The following CHN2 variants were observed in gnomAD, a reference collection of about 807,000 sequenced individuals.
CHN2 encodes chimerin 2, also known as beta-chimaerin.
Under a neutral mutation model 56.3 loss-of-function variants are expected in CHN2, and 35 were observed. The ratio of observed to expected loss-of-function variants is 0.62; its 90% CI spans 0.47 to 0.82. The LOEUF is 0.82. Ranked by LOEUF, CHN2 falls within the 40% of genes least tolerant of loss-of-function variation. The pLI is 0.00. For missense variants in CHN2, 491 were observed against 580.5 expected (o/e 0.85, Z 1.58); for synonymous variants, 210 against 212.8 (o/e 0.99, Z 0.12).
chr7:29,453,819 C>A (rs1784563940), intron 6 of CHN2, among the ~76,000 whole-genome samples: 1 of 152,126 alleles, frequency 6.6e-6, no homozygotes, highest in African/African-American at 2.4e-5. Context: ...TCACTCGGGT[C>A]CTTTGGACTA....
At chr7:29,287,019 C>T (rs6955978) in intron 1 of CHN2, among the ~76,000 whole-genome samples, 152,267 of 152,282 alleles carry the variant, frequency 1, 76,126 homozygotes, top group Middle Eastern at 1. Context: ...TCTCCCTTCC[C>T]CTGGGGATGG....
chr7:29,432,647 G>A (rs186418262), intron 6 of CHN2, among the ~76,000 whole-genome samples: 23 of 152,312 alleles, frequency 1.5e-4, no homozygotes, highest in Admixed American at 1.2e-3. Flanking sequence ...CCATTTCGCT[G>A]TACCTGGCAG....
rs1366673864 is a variant in CHN2, at chr7:29,299,967, A to G, written c.50-54658A>G. Among the ~76,000 whole-genome samples the G allele has an allele frequency of 5.3e-5, 8 of 152,318 alleles. No homozygotes were observed. In the East Asian group the frequency reaches 1.5e-3, roughly 29 times the overall value. ...CCAAACAGAGAAAATAACATAGAGT[A>G]AAAAACTGGAGGCAGGAACCCAGAG... On this transcript the variant is annotated intron_variant, in intron 1 of 12. Transcript: ENST00000222792.
chr7:29,279,327 T>C (rs1449827498), intron 1 of CHN2, among the ~76,000 whole-genome samples: 1 of 152,242 alleles, frequency 6.6e-6, no homozygotes, highest in Non-Finnish European at 1.5e-5. Context: ...TCCTTCTTAA[T>C]AGGGATACCA....
At chr7:29,474,351 A>G (rs549213581) in intron 6 of CHN2, among the ~76,000 whole-genome samples, 3 of 152,280 alleles carry the variant, frequency 2.0e-5, no homozygotes, top group South Asian at 2.1e-4. Context: ...CTGTATCTCT[A>G]TATCTATCCA....
At chr7:29,286,140 C>G (rs1792119641) in intron 1 of CHN2, among the ~76,000 whole-genome samples, 1 of 152,134 alleles carries the variant, frequency 6.6e-6, no homozygotes, top group South Asian at 2.1e-4. Flanking sequence ...CTCATACCCA[C>G]CCTTTTATAG....
chr7:29,163,927 C>T (rs1795539923), intron 2 of CHN2, among the ~76,000 whole-genome samples: 1 of 152,150 alleles, frequency 6.6e-6, no homozygotes, highest in Admixed American at 6.5e-5. Flanking sequence ...TGTTCAAGGA[C>T]ATCTGGGTTG....
chr7:29,260,040 C>T (rs939908333), intron 1 of CHN2, among the ~76,000 whole-genome samples: 2 of 151,988 alleles, frequency 1.3e-5, no homozygotes, highest in African/African-American at 2.4e-5. Flanking sequence ...TGCAGTGGTG[C>T]GATCTTGGCT....
At chr7:29,228,585 G>A (rs1175953308) in intron 1 of CHN2, among the ~76,000 whole-genome samples, 2 of 152,170 alleles carry the variant, frequency 1.3e-5, no homozygotes, top group South Asian at 2.1e-4. Context: ...ACATGAATAC[G>A]CATCATAAAC....
intron 1 of CHN2, among the ~76,000 whole-genome samples, chr7:29,251,501 C>T (rs1161182205): frequency 2.0e-5 from 3 of 152,040 alleles, no homozygotes; most frequent in Non-Finnish European, 2.9e-5. Flanking sequence ...AAAATACCTG[C>T]CTTCTAATAA....
intron 1 of CHN2, among the ~76,000 whole-genome samples, chr7:29,228,209 G>C (rs1165309614): frequency 6.6e-6 from 1 of 151,334 alleles, no homozygotes; most frequent in African/African-American, 2.4e-5. Context: ...TTTGTGGAGA[G>C]AGAGAGAGAC....
chr7:29,302,855 T>A (rs1353608655), intron 1 of CHN2, among the ~76,000 whole-genome samples: 4 of 152,266 alleles, frequency 2.6e-5, no homozygotes, highest in Non-Finnish European at 5.9e-5. Flanking sequence ...AATCATATGC[T>A]TTTCTTGCTT....
At chr7:29,391,368 G>A (rs1801354202) in intron 3 of CHN2, among the ~76,000 whole-genome samples, 1 of 148,638 alleles carries the variant, frequency 6.7e-6, no homozygotes, top group African/African-American at 2.5e-5. Flanking sequence ...GGGAGGGGAA[G>A]GGAGGGTAGA....
chr7:29,179,675 A>T (rs1026149712), intron 2 of CHN2, among the ~76,000 whole-genome samples: 3 of 152,254 alleles, frequency 2.0e-5, no homozygotes, highest in Non-Finnish European at 4.4e-5. Flanking sequence ...TAGAGAAACC[A>T]TCAATAATTA....
intron 1 of CHN2, among the ~76,000 whole-genome samples, chr7:29,219,968 G>A (rs1174934614): frequency 1.2e-4 from 18 of 152,026 alleles, no homozygotes; most frequent in African/African-American, 9.7e-5. Flanking sequence ...CCAGCTACTC[G>A]GGAGGCTGAG....
chr7:29,396,339 C>T (rs924899687), intron 4 of CHN2, among the ~76,000 whole-genome samples: 15 of 151,694 alleles, frequency 9.9e-5, no homozygotes, highest in Admixed American at 3.3e-4. Context: ...TGCCTGTAGT[C>T]CCAGCTACTC....
In CHN2 at chr7:29,349,202, T is replaced by C. The variant is rs116362171; in HGVS notation, c.50-5423T>C. The stretch of plus-strand genomic sequence containing the variant: ...CTCTTTATCTGGAGTAATCTCTCTT[T>C]TGTTGTTGTCGTTCTGTTAGTCTCT... On this transcript the variant is annotated intron_variant, in intron 1 of 12. Transcript: ENST00000222792. 6.7e-3 allele frequency among the ~76,000 whole-genome samples: 1,015 copies of C among 152,302 alleles called. 12 individuals carry two copies. The highest frequency in any genetic ancestry group is 0.023 in the African/African-American group (960 of 41,562).
intron 1 of CHN2, among the ~76,000 whole-genome samples, chr7:29,294,112 C>T (rs572831049): frequency 5.3e-5 from 8 of 152,112 alleles, no homozygotes; most frequent in Non-Finnish European, 1.0e-4. Context: ...GTGATCTGCC[C>T]GCCTCGGCCT....
chr7:29,332,500 G>T (rs1176754717), intron 1 of CHN2, among the ~76,000 whole-genome samples: 1 of 152,120 alleles, frequency 6.6e-6, no homozygotes, highest in Admixed American at 6.5e-5. Context: ...CTTTTCCCGG[G>T]CTGGTGATAC....
Sources: gnomAD v4.1 joint callset for allele counts (sites outside exome capture counted in the v4.1 genomes callset) on GRCh38, gnomAD v4.1.1 for gene constraint, MANE v1.5 for transcripts, NCBI Gene and HGNC (gene_info 2026-07-23, HGNC 2026-07-21) for gene names.